The following CTNNA1 variants were observed in gnomAD, a reference collection of about 807,000 sequenced individuals.
CTNNA1 encodes the protein catenin alpha 1.
CTNNA1 carries 37 observed loss-of-function variants against 98.4 expected under a neutral mutation model. That is an observed-to-expected ratio of 0.38 (90% CI 0.29 to 0.49). The LOEUF is 0.49. Among genes scored for constraint, CTNNA1 ranks in the 20% least tolerant of loss-of-function variants. The pLI is 0.95. For synonymous variants in CTNNA1, 404 were observed against 413.2 expected (o/e 0.98, Z 0.27); for missense variants, 761 against 1,147.2 (o/e 0.66, Z 4.86).
chr5:138,835,886 C>T (rs1761726230), intron 7 of CTNNA1, among the ~76,000 whole-genome samples: 1 of 152,164 alleles, frequency 6.6e-6, no homozygotes. Flanking sequence ...TGCTCTGTCA[C>T]CCAGGCTGGA....
chr5:138,760,225 C>T (rs558956976), intron 1 of CTNNA1, among the ~76,000 whole-genome samples: 7 of 151,630 alleles, frequency 4.6e-5, no homozygotes, highest in Non-Finnish European at 8.8e-5. Flanking sequence ...AACTCCTGAC[C>T]TCAGGTGATC....
At chr5:138,811,347 C>T (rs1431421419) in intron 4 of CTNNA1, among the ~76,000 whole-genome samples, 6 of 135,062 alleles carry the variant, frequency 4.4e-5, no homozygotes, top group Non-Finnish European at 8.1e-5. Flanking sequence ...CTCCTCACTT[C>T]CTAGGTGGGA....
At chr5:138,929,182 C>T (rs1580894906) in intron 13 of CTNNA1, 64 bp from the exon 14 acceptor site, 2 of 880,648 alleles carry the variant, frequency 2.3e-6, no homozygotes, top group East Asian at 2.4e-5. Context: ...CCAAGAGGCT[C>T]AGGGTGGCTG....
At chr5:138,905,875 C>G (rs1759138997) in intron 10 of CTNNA1, among the ~76,000 whole-genome samples, 1 of 152,236 alleles carries the variant, frequency 6.6e-6, no homozygotes, top group African/African-American at 2.4e-5. Context: ...GGACTTACCT[C>G]TCTTTACATG....
intron 7 of CTNNA1, among the ~76,000 whole-genome samples, chr5:138,834,747 C>G (rs1046594269): frequency 6.6e-6 from 1 of 151,982 alleles, no homozygotes; most frequent in African/African-American, 2.4e-5. Flanking sequence ...AAAATAGATC[C>G]AGGTCTGGGA....
At chr5:138,787,053 A>T (rs1755790763) in intron 3 of CTNNA1, among the ~76,000 whole-genome samples, 1 of 152,200 alleles carries the variant, frequency 6.6e-6, no homozygotes, top group Non-Finnish European at 1.5e-5. Flanking sequence ...CTTTGTTCTG[A>T]ATCACTGTTG....
intron 7 of CTNNA1, among the ~76,000 whole-genome samples, chr5:138,878,942 C>T (rs1273589559): frequency 2.0e-5 from 3 of 151,940 alleles, no homozygotes; most frequent in Non-Finnish European, 4.4e-5. Flanking sequence ...TGGCCAGGCA[C>T]AGTGGTAGCC....
intron 1 of CTNNA1, among the ~76,000 whole-genome samples, chr5:138,756,917 G>A (rs908322931): frequency 6.6e-6 from 1 of 152,080 alleles, no homozygotes; most frequent in African/African-American, 2.4e-5. Context: ...TATGGATTGG[G>A]GCTGGACAGG....
At chr5:138,826,550 T>G (rs993759290) in intron 6 of CTNNA1, among the ~76,000 whole-genome samples, 2 of 152,128 alleles carry the variant, frequency 1.3e-5, no homozygotes, top group Admixed American at 1.3e-4. Context: ...GAAAAAGGAT[T>G]TATTCTTATT....
chr5:138,847,066 A>G (rs1420816246), intron 7 of CTNNA1, among the ~76,000 whole-genome samples: 2 of 152,218 alleles, frequency 1.3e-5, no homozygotes, highest in African/African-American at 4.8e-5. Flanking sequence ...GCACTCTTAA[A>G]TACATGGTAG....
rs548882576 is a variant in CTNNA1, at chr5:138,760,056, G to A, written c.-3+6546G>A. Among the ~76,000 whole-genome samples, 25 of 138,304 alleles carry A rather than the reference G, an allele frequency of 1.8e-4. No individual in the cohort carries two copies. In the South Asian group the frequency reaches 4.3e-3, roughly 24 times the overall value. 90.7% of individuals were successfully genotyped at this position (138,304 alleles called of 152,430 possible). A position where few individuals can be genotyped will look rare whatever the true frequency, so the allele number is the denominator to read the frequency against. On this transcript the variant is annotated intron_variant, in intron 1 of 17. Coordinates refer to ENST00000302763, the MANE Select transcript of CTNNA1 (RefSeq NM_001903.5). Reference sequence around the variant, plus strand: ...GTCGCCCAGGCTGGAGTGCAATGGCGCGATCTTGGCTCACCACAACCTCCG... The same window carrying A: ...GTCGCCCAGGCTGGAGTGCAATGGCACGATCTTGGCTCACCACAACCTCCG...
At chr5:138,771,123 C>CT (rs1385918554) in intron 1 of CTNNA1, among the ~76,000 whole-genome samples, 1 of 151,510 alleles carries the variant, frequency 6.6e-6, no homozygotes, top group African/African-American at 2.4e-5. Flanking sequence ...AGGCAGGGTT[C>CT]TTTTTTTCTT....
intron 7 of CTNNA1, among the ~76,000 whole-genome samples, chr5:138,850,998 T>A (rs938039150): frequency 3.3e-5 from 5 of 152,214 alleles, no homozygotes; most frequent in African/African-American, 1.2e-4. Context: ...ACTGGCATGC[T>A]GTGTTATGTG....
rs546831023 is a variant in CTNNA1, at chr5:138,818,057, T to C, written c.588+5755T>C. Among the ~76,000 whole-genome samples, 288 of 152,126 alleles carry C rather than the reference T, an allele frequency of 1.9e-3. 1 individual carries two copies. Among genetic ancestry groups the C allele is most frequent in the African/African-American group, 6.7e-3 (276 of 41,478 alleles). ...AACCAAGTAGCTGGGATTACTGGTG[T>C]GAGCCACTGCATCTGGGCCTAGATT... On this transcript the variant is annotated intron_variant, in intron 5 of 17. Coordinates refer to ENST00000302763, the MANE Select transcript of CTNNA1 (RefSeq NM_001903.5).
intron 9 of CTNNA1, among the ~76,000 whole-genome samples, chr5:138,901,958 G>C (rs1758136069): frequency 6.6e-6 from 1 of 152,180 alleles, no homozygotes; most frequent in Admixed American, 6.5e-5. Context: ...GTGAATTGAA[G>C]CTCATTCATC....
At chr5:138,807,453 C>A (rs1758210469) in intron 3 of CTNNA1, among the ~76,000 whole-genome samples, 1 of 152,054 alleles carries the variant, frequency 6.6e-6, no homozygotes, top group Admixed American at 6.6e-5. Context: ...GTATTCATTT[C>A]TTCCCTAAAC....
At chr5:138,838,983 T>A (rs1420291852) in intron 7 of CTNNA1, among the ~76,000 whole-genome samples, 1 of 152,064 alleles carries the variant, frequency 6.6e-6, no homozygotes. Context: ...CCTCGAGTCT[T>A]CTTCTTTGAT....
At chr5:138,913,017 TGACTTAGTATATATGGC>T (rs1262381462) in intron 10 of CTNNA1, among the ~76,000 whole-genome samples, 61 of 152,214 alleles carry the variant, frequency 4.0e-4, no homozygotes, top group African/African-American at 1.3e-3. Context: ...TGACTAATGG[TGACTTAGTATATATGGC>T]GACTTAGTAT....
intron 11 of CTNNA1, among the ~76,000 whole-genome samples, chr5:138,921,716 T>C (rs1194131846): frequency 1.3e-5 from 2 of 150,618 alleles, no homozygotes; most frequent in Admixed American, 1.3e-4. Flanking sequence ...TTCTCCTGCC[T>C]GAGCCTCCTG....
Sources: allele counts gnomAD v4.1 joint callset (sites outside exome capture counted in the v4.1 genomes callset), GRCh38; gene constraint gnomAD v4.1.1; transcripts MANE v1.5; gene names NCBI Gene and HGNC (gene_info 2026-07-23, HGNC 2026-07-21).